Variants in CTIF observed in about 807,000 individuals in gnomAD.
CTIF encodes the protein cap binding complex dependent translation initiation factor, also known as CBP80/20-dependent translation initiation factor.
CTIF carries 21 observed loss-of-function variants against 66.0 expected under a neutral mutation model. The ratio of observed to expected loss-of-function variants is 0.32; its 90% CI spans 0.23 to 0.46. The LOEUF (loss-of-function observed/expected upper bound fraction) is 0.46. CTIF is among the 20% of genes least tolerant of loss of function. The pLI is 1.00. For missense variants in CTIF, 739 were observed against 812.7 expected, an observed-to-expected ratio of 0.91 and a Z score of 1.10; for synonymous variants, 345 against 326.4, an observed-to-expected ratio of 1.06 and a Z score of -0.62.
intron 6 of CTIF, chr18:48,692,508 G>A (rs189172063): frequency 9.9e-5 from 15 of 152,022 alleles, no homozygotes; most frequent in Admixed American, 5.2e-4. Flanking sequence ...CATTCTGCTG[G>A]GACATTCTAG....
intron 6 of CTIF, among the ~76,000 whole-genome samples, chr18:48,677,760 C>A (rs116134079): frequency 2.0e-5 from 3 of 152,016 alleles, no homozygotes; most frequent in Non-Finnish European, 4.4e-5. Flanking sequence ...GTGGAGTGTA[C>A]GTTCCCCTGG....
chr18:48,590,177 AG>A (rs1436595899), intron 1 of CTIF, among the ~76,000 whole-genome samples: 2 of 152,202 alleles, frequency 1.3e-5, no homozygotes, highest in Admixed American at 1.3e-4. Context: ...AAGCCTCATG[AG>A]GCAGAAGCCT....
chr18:48,644,968 G>A (rs1244434973), intron 3 of CTIF, among the ~76,000 whole-genome samples: 2 of 152,158 alleles, frequency 1.3e-5, no homozygotes, highest in Non-Finnish European at 2.9e-5. Context: ...TGCAGCCTCA[G>A]TTTCTGCTCT....
chr18:48,693,203 G>A (rs2091957751), intron 6 of CTIF, among the ~76,000 whole-genome samples: 1 of 152,198 alleles, frequency 6.6e-6, no homozygotes, highest in Non-Finnish European at 1.5e-5. Context: ...AGCGGAGGGT[G>A]GCCCAGGCTG....
chr18:48,547,977 G>A (rs2088794187), intron 1 of CTIF, among the ~76,000 whole-genome samples: 1 of 152,174 alleles, frequency 6.6e-6, no homozygotes, highest in Admixed American at 6.5e-5. Context: ...TCCCATGCAG[G>A]GAGCTGTGTG....
chr18:48,692,319 A>C (rs947624928), intron 6 of CTIF, among the ~76,000 whole-genome samples: 6 of 112,428 alleles, frequency 5.3e-5, no homozygotes, highest in African/African-American at 3.8e-4. Context: ...AAACAAAAAC[A>C]AAACAAAAAA....
At chr18:48,574,467 C>T in intron 1 of CTIF, among the ~76,000 whole-genome samples, 1 of 152,208 alleles carries the variant, frequency 6.6e-6, no homozygotes, top group East Asian at 1.9e-4. Flanking sequence ...CAGAGTTCTG[C>T]ACTTTGGGCA....
intron 1 of CTIF, among the ~76,000 whole-genome samples, chr18:48,577,512 G>T (rs2089559405): frequency 6.6e-6 from 1 of 152,140 alleles, no homozygotes; most frequent in Admixed American, 6.5e-5. Flanking sequence ...GCTTTTTTGA[G>T]ATAAAAAATT....
intron 10 of CTIF, among the ~76,000 whole-genome samples, chr18:48,830,617 G>GA (rs1435058349): frequency 6.6e-6 from 1 of 152,184 alleles, no homozygotes; most frequent in Non-Finnish European, 1.5e-5. Flanking sequence ...TGCTTACTGG[G>GA]AAAAAATGTG....
At position 48,757,857 on chromosome 18, in the gene CTIF, A is replaced by G. The variant is rs1908543690; in HGVS notation, c.585-62A>G. ...TGACTTCCTGTTCTGGCGGCTGGGC[A>G]CAGGGACTCTGACCAGCCCGCCCAG... On this transcript the variant is annotated intron_variant, in intron 7 of 11. Transcript: ENST00000256413. 18 of 1,552,712 alleles carry G rather than the reference A, an allele frequency of 1.2e-5. No individual in the cohort carries two copies. The South Asian group carries it at 1.6e-4, about 14-fold the overall frequency.
chr18:48,657,958 TGAGGGTGGTGGGA>T (rs2091271858), intron 3 of CTIF, among the ~76,000 whole-genome samples: 1 of 151,606 alleles, frequency 6.6e-6, no homozygotes, highest in Admixed American at 6.6e-5. Flanking sequence ...GAGCCAGAGG[TGAGGGTGGTGGGA>T]GAGAGAGGTG....
intron 3 of CTIF, among the ~76,000 whole-genome samples, chr18:48,657,563 G>A (rs1195345275): frequency 6.6e-6 from 1 of 152,108 alleles, no homozygotes; most frequent in South Asian, 2.1e-4. Flanking sequence ...GCACCCCGGG[G>A]AGCTCTGCAG....
At chr18:48,688,012 A>C (rs2091870418) in intron 6 of CTIF, among the ~76,000 whole-genome samples, 1 of 152,204 alleles carries the variant, frequency 6.6e-6, no homozygotes, top group African/African-American at 2.4e-5. Context: ...GGTAGCTTTA[A>C]TCTCCTTACT....
chr18:48,695,718 C>T (rs1181689900), intron 6 of CTIF, among the ~76,000 whole-genome samples: 3 of 152,200 alleles, frequency 2.0e-5, no homozygotes, highest in Non-Finnish European at 2.9e-5. Context: ...CATTACAGCC[C>T]GTTGCTATCA....
intron 1 of CTIF, among the ~76,000 whole-genome samples, chr18:48,612,395 T>A (rs372656762): frequency 1.6e-4 from 25 of 152,276 alleles, no homozygotes; most frequent in African/African-American, 6.0e-4. Context: ...AAGGGAGAAT[T>A]CTAGCCCCAA....
chr18:48,715,251 G>GA (rs368834152), intron 7 of CTIF, among the ~76,000 whole-genome samples: 55 of 146,846 alleles, frequency 3.7e-4, no homozygotes, highest in African/African-American at 8.5e-4. Context: ...TTTCCATTTT[G>GA]AAAAAAAAAA....
intron 9 of CTIF, among the ~76,000 whole-genome samples, chr18:48,767,572 G>A (rs1015982177): frequency 6.6e-6 from 1 of 151,940 alleles, no homozygotes; most frequent in African/African-American, 2.4e-5. Flanking sequence ...CCTAGCAACC[G>A]TTGCCAACAA....
chr18:48,765,672 G>A (rs528479412), intron 9 of CTIF, among the ~76,000 whole-genome samples: 1 of 152,286 alleles, frequency 6.6e-6, no homozygotes, highest in East Asian at 1.9e-4. Context: ...AAGGTTTAAG[G>A]TCCTTTAACC....
rs376444948 is a variant in CTIF at position 48,664,435 on chromosome 18, C to T, written c.327-12C>T. 1 of 1,610,872 alleles carries T rather than the reference C, an allele frequency of 6.2e-7. No individual in the cohort carries two copies. Among genetic ancestry groups the T allele is most frequent in the South Asian group, 1.1e-5 (1 of 91,012 alleles). On this transcript the variant is annotated splice_polypyrimidine_tract_variant and intron_variant, in intron 4 of 11. Coordinates refer to ENST00000256413, the MANE Select transcript of CTIF (RefSeq NM_014772.3). ...CTCTTGCCTCCGTTTCTCACCCTCC[C>T]TCGCCCTCTAGTGGTGCCACCTGGG...
Sources: allele counts gnomAD v4.1 joint callset (sites outside exome capture counted in the v4.1 genomes callset), GRCh38; gene constraint gnomAD v4.1.1; transcripts MANE v1.5; gene names NCBI Gene and HGNC (gene_info 2026-07-23, HGNC 2026-07-21).